CSNK1G3: variants seen among roughly 807,000 people sequenced by gnomAD.
The protein encoded by CSNK1G3 is casein kinase I isoform gamma-3.
A neutral mutation model predicts 64.3 loss-of-function variants in CSNK1G3; 23 were observed. The ratio of observed to expected loss-of-function variants is 0.36; its 90% CI spans 0.26 to 0.51. The LOEUF (loss-of-function observed/expected upper bound fraction) is 0.51. CSNK1G3 is among the 20% of genes least tolerant of loss of function. The probability of loss-of-function intolerance (pLI) is 0.96; values close to 1 mark genes in which losing one functional copy is unlikely to be tolerated. For missense variants in CSNK1G3, 357 were observed against 510.5 expected (o/e 0.70, Z 2.90); for synonymous variants, 158 against 162.2 (o/e 0.97, Z 0.20).
At chr5:123,603,047 T>G (rs537088770) in intron 10 of CSNK1G3, among the ~76,000 whole-genome samples, 1 of 152,218 alleles carries the variant, frequency 6.6e-6, no homozygotes, top group Admixed American at 6.5e-5. Context: ...GCTTTGAGTC[T>G]AGACCCATCT....
chr5:123,541,626 C>G (rs898929280), intron 1 of CSNK1G3, among the ~76,000 whole-genome samples: 2 of 151,966 alleles, frequency 1.3e-5, no homozygotes, highest in African/African-American at 4.8e-5. Flanking sequence ...GAGGCAGGCT[C>G]TCACCATGTT....
intron 10 of CSNK1G3, among the ~76,000 whole-genome samples, chr5:123,603,532 A>G (rs931305009): frequency 6.6e-6 from 1 of 152,112 alleles, no homozygotes; most frequent in Admixed American, 6.6e-5. Context: ...ATGTCAAGAA[A>G]CACAACAAAT....
At chr5:123,597,413 A>G (rs1472710129) in intron 10 of CSNK1G3, among the ~76,000 whole-genome samples, 2 of 152,160 alleles carry the variant, frequency 1.3e-5, no homozygotes, top group African/African-American at 4.8e-5. Flanking sequence ...CAGGTTTAGG[A>G]TATCCAGAAA....
At chr5:123,600,285 T>C (rs1394433528) in intron 10 of CSNK1G3, among the ~76,000 whole-genome samples, 3 of 152,170 alleles carry the variant, frequency 2.0e-5, no homozygotes, top group Admixed American at 2.0e-4. Flanking sequence ...TCATACATTG[T>C]ATCAAGGTTC....
chr5:123,567,708 C>T (rs527424146), intron 4 of CSNK1G3, among the ~76,000 whole-genome samples: 66 of 152,240 alleles, frequency 4.3e-4, no homozygotes, highest in Non-Finnish European at 7.6e-4. Flanking sequence ...TCACAGTTAT[C>T]GCCAAAGATA....
chr5:123,525,514 C>G (rs1433665587), intron 1 of CSNK1G3, among the ~76,000 whole-genome samples: 1 of 151,994 alleles, frequency 6.6e-6, no homozygotes, highest in African/African-American at 2.4e-5. Context: ...GGCTTGGTCT[C>G]AACTTCCTGA....
chr5:123,559,878 T>G (rs1447419044), intron 4 of CSNK1G3, among the ~76,000 whole-genome samples: 1 of 152,144 alleles, frequency 6.6e-6, no homozygotes, highest in Non-Finnish European at 1.5e-5. Flanking sequence ...CTCTTAATTA[T>G]AAACGGGCTA....
intron 1 of CSNK1G3, among the ~76,000 whole-genome samples, chr5:123,541,590 A>G (rs1401821637): frequency 1.3e-5 from 2 of 151,862 alleles, no homozygotes; most frequent in African/African-American, 4.8e-5. Flanking sequence ...CACCACTCCC[A>G]GCTTATTATT....
At position 123,522,992 on chromosome 5, in the gene CSNK1G3, GTTA is replaced by G. The variant is rs574969283; in HGVS notation, c.-248+10427_-248+10429del. ...AGGAGACCTAAGTGATATCTCTAAA[GTTA>G]TTATAAATTATAAGAGGGGAAGAAG... is the stretch of plus-strand genomic sequence containing the variant. On this transcript the variant is annotated intron_variant, in intron 1 of 12. Transcript: ENST00000345990. 4.5e-3 allele frequency among the ~76,000 whole-genome samples: 680 copies of G among 152,180 alleles called. 3 individuals carry two copies. Among genetic ancestry groups the G allele is most frequent in the Non-Finnish European group, 6.8e-3 (465 of 67,992 alleles).
intron 1 of CSNK1G3, among the ~76,000 whole-genome samples, chr5:123,524,819 A>G (rs114323337): frequency 5.1e-4 from 78 of 152,296 alleles, no homozygotes; most frequent in African/African-American, 1.9e-3. Context: ...GTGCAGAGGT[A>G]GTGTTCTGTG....
At chr5:123,512,181 T>G (rs893377821) in exon 1 of CSNK1G3, 1 of 152,034 alleles carries the variant, frequency 6.6e-6, no homozygotes, top group South Asian at 2.1e-4. Context: ...TTTTTCCATG[T>G]GTTCACTTCC....
chr5:123,600,624 C>CAA (rs561994777), intron 10 of CSNK1G3, among the ~76,000 whole-genome samples: 4 of 84,244 alleles, frequency 4.7e-5, no homozygotes, highest in African/African-American at 1.4e-4. Flanking sequence ...GATGCCATTT[C>CAA]AAAAAAAAAA....
At chr5:123,599,497 T>C (rs562215559) in intron 10 of CSNK1G3, among the ~76,000 whole-genome samples, 1 of 152,334 alleles carries the variant, frequency 6.6e-6, no homozygotes, top group South Asian at 2.1e-4. Flanking sequence ...AAAAGGATTA[T>C]CTTGAGATGA....
In CSNK1G3 at chr5:123,611,653, C is replaced by T. The variant is rs1449548518; in HGVS notation, c.1218-2689C>T. On this transcript the variant is annotated intron_variant, in intron 12 of 12. Transcript: ENST00000345990. ...CAAAATGTGTATTACATTAAATTGC[C>T]CATTTCAAAGGGCTAATACAACTTT... Among the ~76,000 whole-genome samples, 7 of 152,208 alleles carry T rather than the reference C, an allele frequency of 4.6e-5. No individual in the cohort carries two copies. The East Asian group carries it at 1.2e-3, about 25-fold the overall frequency.
chr5:123,574,229 A>G (rs140913338), intron 5 of CSNK1G3, among the ~76,000 whole-genome samples: 4 of 152,284 alleles, frequency 2.6e-5, no homozygotes, highest in Non-Finnish European at 5.9e-5. Context: ...AGTCTTGATA[A>G]ACTACTTAGA....
At chr5:123,524,352 T>C (rs1044002824) in intron 1 of CSNK1G3, among the ~76,000 whole-genome samples, 6 of 152,202 alleles carry the variant, frequency 3.9e-5, no homozygotes, top group African/African-American at 1.4e-4. Context: ...AAACACTCTT[T>C]TTAGTCCTTG....
intron 3 of CSNK1G3, among the ~76,000 whole-genome samples, chr5:123,555,537 A>G (rs1356235158): frequency 6.6e-6 from 1 of 152,148 alleles, no homozygotes; most frequent in Non-Finnish European, 1.5e-5. Context: ...GATTTCTGTG[A>G]CTGCTTTCAC....
At chr5:123,603,441 C>T (rs1243423793) in intron 10 of CSNK1G3, among the ~76,000 whole-genome samples, 1 of 151,882 alleles carries the variant, frequency 6.6e-6, no homozygotes, top group Non-Finnish European at 1.5e-5. Context: ...TTATTGAGTT[C>T]CTATTCTCTG....
intron 1 of CSNK1G3, among the ~76,000 whole-genome samples, chr5:123,540,694 A>G (rs771245244): frequency 2.6e-4 from 40 of 152,144 alleles, no homozygotes; most frequent in Non-Finnish European, 5.4e-4. Context: ...GTGCAGTGAC[A>G]TGATCTTTGC....
Sources: allele counts gnomAD v4.1 joint callset (sites outside exome capture counted in the v4.1 genomes callset), GRCh38; gene constraint gnomAD v4.1.1; transcripts MANE v1.5; gene names NCBI Gene and HGNC (gene_info 2026-07-23, HGNC 2026-07-21).